Variants in BSND observed in about 807,000 individuals in gnomAD.
The protein encoded by BSND is barttin.
BSND carries 13 observed loss-of-function variants against 18.8 expected under a neutral mutation model. The observed-to-expected ratio is 0.69, with a 90% CI of 0.45 to 1.10. BSND has a LOEUF of 1.10. Ranked by LOEUF, BSND falls within the 50% of genes least tolerant of loss-of-function variation. The pLI is 0.00. For synonymous variants in BSND, 170 were observed against 161.8 expected (o/e 1.05, Z -0.39); for missense variants, 379 against 416.7 (o/e 0.91, Z 0.79).
Position 55,007,012 on chromosome 1 carries a change from G to T in BSND, c.288G>T (p.Pro96=). ...AAEMKSPSPQ[P]PYVRLWEEAA... ...CCCACTCCAGCCCCAGTCCCCAGCC[G>T]CCCTATGTAAGGCTGTGGGAGGAAG... Residue 96 remains proline, a synonymous_variant, in exon 3 of 4, where the codon CCG becomes CCT. Coordinates refer to ENST00000651561, the MANE Select transcript of BSND (RefSeq NM_057176.3). 1 of 1,614,080 alleles carries T rather than the reference G, an allele frequency of 6.2e-7. No homozygotes were observed. Among genetic ancestry groups the T allele is most frequent in the South Asian group, 1.1e-5 (1 of 91,082 alleles).
intron 1 of BSND, among the ~76,000 whole-genome samples, chr1:55,004,647 A>T (rs537240054): frequency 1.3e-5 from 2 of 152,332 alleles, no homozygotes; most frequent in East Asian, 3.9e-4. Flanking sequence ...CCAAATATGG[A>T]TGAAGCACCT....
At position 55,006,970 on chromosome 1, in the gene BSND, G is replaced by T. The variant is rs201095656; in HGVS notation, c.273-27G>T. On this transcript the variant is annotated intron_variant, in intron 2 of 3. Transcript: ENST00000651561. ...GGTGTTTGCTGAGTGACTCTTTGCC[G>T]CCTGCCTGTTCTCTCTCCCACTCCA... 1.9e-4 allele frequency: 299 copies of T among 1,613,206 alleles called. 5 individuals carry two copies. The Admixed American group carries it at 4.8e-3, about 26-fold the overall frequency.
chr1:54,999,453 C>A, intron 1 of BSND, 90 bp downstream of exon 1: 1 of 1,321,282 alleles, frequency 7.6e-7, no homozygotes, highest in Non-Finnish European at 1.0e-6. Flanking sequence ...ACCCCCTATC[C>A]TTTAGTTGTC....
At position 55,014,206 on chromosome 1, in the gene BSND, C is replaced by T. The variant is rs930349099; in HGVS notation, c.*5578C>T. 2.0e-5 allele frequency among the ~76,000 whole-genome samples: 3 copies of T among 152,156 alleles called. No individual in the cohort carries two copies. The highest frequency in any genetic ancestry group is 4.8e-5 in the African/African-American group (2 of 41,442). ...TAGTGCTGGTGGAACAGAATTGAAC[C>T]GAACCGGGTGCCCACTCTGAAGGCT... is the stretch of plus-strand genomic sequence containing the variant. On this transcript the variant is annotated 3_prime_UTR_variant, in exon 4 of 4. Coordinates refer to ENST00000651561, the MANE Select transcript of BSND (RefSeq NM_057176.3).
intron 1 of BSND, 50 bp from the exon 2 acceptor site, chr1:55,004,972 C>A: frequency 3.2e-6 from 5 of 1,545,342 alleles, no homozygotes; most frequent in Non-Finnish European, 4.5e-6. Flanking sequence ...GGGACAGTAG[C>A]CCCCCTACCC....
intron 1 of BSND, 95 bp downstream of exon 1, chr1:54,999,458 G>A (rs1644350531): frequency 7.6e-7 from 1 of 1,318,794 alleles, no homozygotes; most frequent in Non-Finnish European, 1.0e-6. Flanking sequence ...CTATCCTTTA[G>A]TTGTCTTTTC....
At position 55,012,167 on chromosome 1, in the gene BSND, C is replaced by T. The variant is rs1039466953; in HGVS notation, c.*3539C>T. Reference sequence around the variant, plus strand: ...GGGAACCTGGGCTCTGCCGACCGCTCGCCATGACCTTGGGTACATCACAGC... The same window carrying T: ...GGGAACCTGGGCTCTGCCGACCGCTTGCCATGACCTTGGGTACATCACAGC... On this transcript the variant is annotated 3_prime_UTR_variant, in exon 4 of 4. Coordinates refer to ENST00000651561, the MANE Select transcript of BSND (RefSeq NM_057176.3). Among the ~76,000 whole-genome samples the T allele has an allele frequency of 2.6e-5, 4 of 152,212 alleles. No homozygotes were observed. The highest frequency in any genetic ancestry group is 1.9e-4 in the East Asian group (1 of 5,196).
chr1:55,013,439 A>G lies in BSND; in HGVS notation c.*4811A>G, dbSNP rs1557488245. ...CAGCCTCCCAAAGTGCTGGCATTAC[A>G]GGTGTGAGTCACTGCACCCAGCTGT... On this transcript the variant is annotated 3_prime_UTR_variant, in exon 4 of 4. Transcript: ENST00000651561. Among the ~76,000 whole-genome samples, 1 of 152,148 alleles carries G rather than the reference A, an allele frequency of 6.6e-6. No individual in the cohort carries two copies. Among genetic ancestry groups the G allele is most frequent in the Non-Finnish European group, 1.5e-5 (1 of 68,022 alleles).
Position 55,012,794 on chromosome 1 carries a change from C to T in BSND, c.*4166C>T, listed in dbSNP as rs2100213929. Among the ~76,000 whole-genome samples, 1 of 152,166 alleles carries T rather than the reference C, an allele frequency of 6.6e-6. No individual in the cohort carries two copies. Among genetic ancestry groups the T allele is most frequent in the Non-Finnish European group, 1.5e-5 (1 of 68,028 alleles). ...GCAGGGACTAAGGTGTATAAAATGC[C>T]TCCTGTGGGGCAGGAGGGGAGCAGC... On this transcript the variant is annotated 3_prime_UTR_variant, in exon 4 of 4. Coordinates refer to ENST00000651561, the MANE Select transcript of BSND (RefSeq NM_057176.3).
At chr1:55,000,622 G>T (rs531879176) in intron 1 of BSND, among the ~76,000 whole-genome samples, 1 of 152,236 alleles carries the variant, frequency 6.6e-6, no homozygotes, top group African/African-American at 2.4e-5. Flanking sequence ...GGCCTGGGCC[G>T]GCTCTCCCCA....
At position 55,008,241 on chromosome 1, in the gene BSND, C is replaced by G; in HGVS notation, c.576C>G (p.Ala192=). The part of the protein sequence containing the change: ...PGPLACPQGP[A]PLASFQDDLD... ...CCCTGGCCTGTCCCCAGGGCCCTGCCCCCTTGGCTTCCTTCCAAGATGACC... is the reference window on the plus strand; with the variant it reads ...CCCTGGCCTGTCCCCAGGGCCCTGCGCCCTTGGCTTCCTTCCAAGATGACC... The change falls in exon 4 of 4, where the codon GCC becomes GCG. Residue 192 remains alanine (A), a synonymous_variant. Coordinates refer to ENST00000651561, the MANE Select transcript of BSND (RefSeq NM_057176.3). 1 of 1,614,196 alleles carries G rather than the reference C, an allele frequency of 6.2e-7. No homozygotes were observed. The highest frequency in any genetic ancestry group is 8.5e-7 in the Non-Finnish European group (1 of 1,180,042).
At position 55,015,480 on chromosome 1, in the gene BSND, G is replaced by T. The variant is rs1644445219; in HGVS notation, c.*6852G>T. ...AGGAAGTCCCCAGGTCAGAAAATGGGCCCCACTGGTGATTCTGCAGATAGT... is the reference window on the plus strand; with the variant it reads ...AGGAAGTCCCCAGGTCAGAAAATGGTCCCCACTGGTGATTCTGCAGATAGT... On this transcript the variant is annotated 3_prime_UTR_variant, in exon 4 of 4. Transcript: ENST00000651561. 6.6e-6 allele frequency among the ~76,000 whole-genome samples: 1 copy of T among 152,224 alleles called. No homozygotes were observed. Among genetic ancestry groups the T allele is most frequent in the African/African-American group, 2.4e-5 (1 of 41,454 alleles).
rs1570279106 is a variant in BSND, at chr1:55,016,407, G to T, written c.*7779G>T. On this transcript the variant is annotated 3_prime_UTR_variant, in exon 4 of 4. Transcript: ENST00000651561. ...TCACCCATAACACTGGCATCATTTT[G>T]TAAAGATGATGTAATAAAGATAATA... Among the ~76,000 whole-genome samples the T allele has an allele frequency of 6.6e-6, 1 of 152,344 alleles. No homozygotes were observed. Among genetic ancestry groups the T allele is most frequent in the East Asian group, 1.9e-4 (1 of 5,190 alleles).
chr1:54,999,451 T>C, intron 1 of BSND, 88 bp downstream of exon 1: 2 of 1,362,332 alleles, frequency 1.5e-6, no homozygotes, highest in South Asian at 2.8e-5. Flanking sequence ...TCACCCCCTA[T>C]CCTTTAGTTG....
At chr1:55,003,927 A>G (rs1368392234) in intron 1 of BSND, among the ~76,000 whole-genome samples, 1 of 152,246 alleles carries the variant, frequency 6.6e-6, no homozygotes, top group African/African-American at 2.4e-5. Flanking sequence ...GTACATTCAC[A>G]TTGTCATCCA....
In BSND at chr1:55,013,835, G is replaced by A. The variant is rs370197332; in HGVS notation, c.*5207G>A. ...GCTGAATCATCTGCCATGTGCTCCC[G>A]TGCAGCAGCCCCGGCATCCTCACCT... On this transcript the variant is annotated 3_prime_UTR_variant, in exon 4 of 4. Coordinates refer to ENST00000651561, the MANE Select transcript of BSND (RefSeq NM_057176.3). Among the ~76,000 whole-genome samples, 20 of 152,168 alleles carry A rather than the reference G, an allele frequency of 1.3e-4. 1 individual carries two copies. Among genetic ancestry groups the A allele is most frequent in the African/African-American group, 3.6e-4 (15 of 41,508 alleles).
rs564173691 is a variant in BSND at position 55,005,876 on chromosome 1, GTGGAGGCGGGGCCTGCACTCAGCAGTGA to G, written c.272+776_272+803del. On this transcript the variant is annotated intron_variant, in intron 2 of 3. Transcript: ENST00000651561. ...GAAGCCGGGCCTGCACTCAGCAGTG[GTGGAGGCGGGGCCTGCACTCAGCAGTGA>G]TGGAGGCGGGGCCTGAATTCAGGCC... Among the ~76,000 whole-genome samples, 1,342 of 152,216 alleles carry G rather than the reference GTGGAGGCGGGGCCTGCACTCAGCAGTGA, an allele frequency of 8.8e-3. 7 individuals carry two copies. Among genetic ancestry groups the G allele is most frequent in the Non-Finnish European group, 0.013 (882 of 68,000 alleles).
chr1:55,003,288 A>G (rs1644372841), intron 1 of BSND, among the ~76,000 whole-genome samples: 1 of 152,108 alleles, frequency 6.6e-6, no homozygotes, highest in African/African-American at 2.4e-5. Flanking sequence ...AGGTGCAATC[A>G]TAGCTCACTG....
intron 1 of BSND, among the ~76,000 whole-genome samples, chr1:55,002,247 C>T (rs1417279007): frequency 1.3e-5 from 2 of 152,214 alleles, no homozygotes; most frequent in Non-Finnish European, 2.9e-5. Context: ...CTGAAGTAGA[C>T]CTGGTCAGAT....
Sources: gnomAD v4.1 joint callset for allele counts (sites outside exome capture counted in the v4.1 genomes callset) on GRCh38, gnomAD v4.1.1 for gene constraint, MANE v1.5 for transcripts, NCBI Gene and HGNC (gene_info 2026-07-23, HGNC 2026-07-21) for gene names.